NAA16: variants seen among roughly 807,000 people sequenced by gnomAD.
NAA16 encodes NARG1-like protein.
NAA16 carries 97 observed loss-of-function variants against 110.3 expected under a neutral mutation model. The observed-to-expected ratio is 0.88, with a 90% CI of 0.75 to 1.04. NAA16 has a LOEUF of 1.04. Ranked by LOEUF, NAA16 falls within the 50% of genes least tolerant of loss-of-function variation. The pLI is 0.00. For synonymous variants in NAA16, 372 were observed against 330.6 expected, an observed-to-expected ratio of 1.13 and a Z score of -1.36; for missense variants, 1,017 against 1,005.1, an observed-to-expected ratio of 1.01 and a Z score of -0.16.
chr13:41,374,539 T>A (rs1415771064), intron 18 of NAA16: 2 of 416,224 alleles, frequency 4.8e-6, no homozygotes, highest in East Asian at 7.6e-5. Flanking sequence ...ATAAATACTC[T>A]GATCATGGCC....
chr13:41,353,526 A>G (rs1593496452), intron 9 of NAA16, among the ~76,000 whole-genome samples: 1 of 151,602 alleles, frequency 6.6e-6, no homozygotes, highest in East Asian at 1.9e-4. Flanking sequence ...GCACTTTGGT[A>G]GGTGGAGGCG....
chr13:41,350,625 TTTG>T (rs1465440190), intron 9 of NAA16, among the ~76,000 whole-genome samples: 2 of 88,342 alleles, frequency 2.3e-5, no homozygotes, highest in East Asian at 3.6e-4. Flanking sequence ...TTTTTGTTTG[TTTG>T]TTTTTTTTAA....
intron 9 of NAA16, among the ~76,000 whole-genome samples, chr13:41,344,128 T>G (rs1216684366): frequency 6.6e-6 from 1 of 152,226 alleles, no homozygotes; most frequent in African/African-American, 2.4e-5. Flanking sequence ...GATTATTTTC[T>G]TCTCATATTT....
At chr13:41,323,499 C>T (rs1459973483) in intron 5 of NAA16, among the ~76,000 whole-genome samples, 3 of 151,744 alleles carry the variant, frequency 2.0e-5, no homozygotes, top group East Asian at 1.9e-4. Flanking sequence ...TACAGGCACT[C>T]GCCACCACGC....
intron 1 of NAA16, among the ~76,000 whole-genome samples, chr13:41,313,488 A>C (rs1007605851): frequency 6.6e-6 from 1 of 152,252 alleles, no homozygotes; most frequent in Non-Finnish European, 1.5e-5. Context: ...ATTTGGCTAC[A>C]ACAAATTCCA....
chr13:41,350,611 TTTTTTTTTGTTTGTTTG>T (rs200142859), intron 9 of NAA16, among the ~76,000 whole-genome samples: 21,617 of 55,190 alleles, frequency 0.39, 2,902 homozygotes, highest in African/African-American at 0.5. Flanking sequence ...TTTTTTGTTT[TTTTTTTTTGTTTGTTTG>T]TTTTTTTTAA....
chr13:41,358,516 C>T, intron 11 of NAA16, 43 bp downstream of exon 11: 1 of 1,605,998 alleles, frequency 6.2e-7, no homozygotes, highest in Non-Finnish European at 8.5e-7. Flanking sequence ...AAGAATTCAG[C>T]TACTTTAAGA....
chr13:41,358,597 G>A (rs1167996511), intron 11 of NAA16, 124 bp downstream of exon 11: 56 of 1,466,586 alleles, frequency 3.8e-5, no homozygotes, highest in Non-Finnish European at 4.4e-5. Flanking sequence ...ATAATCCTGT[G>A]TAGTTTCATG....
chr13:41,361,552 T>C (rs914352526), intron 12 of NAA16, among the ~76,000 whole-genome samples: 6 of 152,242 alleles, frequency 3.9e-5, no homozygotes, highest in Non-Finnish European at 8.8e-5. Context: ...TTTGGAGTCT[T>C]TTTTATGAAG....
intron 8 of NAA16, among the ~76,000 whole-genome samples, chr13:41,335,176 T>C (rs1002224148): frequency 6.6e-6 from 1 of 151,436 alleles, no homozygotes; most frequent in African/African-American, 2.4e-5. Flanking sequence ...ATTGCAAGAA[T>C]AGAAAACAAA....
chr13:41,314,949 G>T (rs1013465813), intron 1 of NAA16, among the ~76,000 whole-genome samples: 9 of 152,316 alleles, frequency 5.9e-5, no homozygotes, highest in African/African-American at 2.2e-4. Context: ...TATGGTGATT[G>T]TGTCACTGCA....
intron 8 of NAA16, among the ~76,000 whole-genome samples, chr13:41,334,763 G>A (rs1192697849): frequency 6.6e-6 from 1 of 152,164 alleles, no homozygotes; most frequent in East Asian, 1.9e-4. Flanking sequence ...GAGTTTATAA[G>A]TGAAGTCTTT....
chr13:41,363,913 A>G (rs955295954), intron 13 of NAA16, among the ~76,000 whole-genome samples: 1 of 151,860 alleles, frequency 6.6e-6, no homozygotes, highest in Non-Finnish European at 1.5e-5. Context: ...AAATAAGACA[A>G]CTCTTTTATA....
chr13:41,330,311 A>G (rs996715044), intron 7 of NAA16, among the ~76,000 whole-genome samples: 1 of 151,960 alleles, frequency 6.6e-6, no homozygotes, highest in Non-Finnish European at 1.5e-5. Context: ...CACCTCTTCA[A>G]ATGTGGTGTT....
At chr13:41,327,144 T>C (rs2042115293) in intron 6 of NAA16, among the ~76,000 whole-genome samples, 1 of 152,174 alleles carries the variant, frequency 6.6e-6, no homozygotes, top group Admixed American at 6.6e-5. Flanking sequence ...GTCTTACTTT[T>C]AACTACTATA....
chr13:41,314,092 A>G (rs367646036), intron 1 of NAA16, among the ~76,000 whole-genome samples: 4 of 152,166 alleles, frequency 2.6e-5, no homozygotes, highest in South Asian at 2.1e-4. Flanking sequence ...TATAAACTCT[A>G]TAACTATGCC....
rs747949332 is a variant in NAA16, at chr13:41,369,212, A to G, written c.1876A>G (p.Lys626Glu). 96 of 1,596,302 alleles carry G rather than the reference A, an allele frequency of 6.0e-5. 1 individual carries two copies. Among genetic ancestry groups the G allele is most frequent in the Non-Finnish European group, 2.7e-5 (32 of 1,173,648 alleles). ...AGAACGTCAACAGAAAAATCAAAAGAAAAAAAGAGATGAAGAAGAAGAAGA... is the reference window on the plus strand; with the variant it reads ...AGAACGTCAACAGAAAAATCAAAAGGAAAAAAGAGATGAAGAAGAAGAAGA... ...ERERQQKNQK[K>E]KRDEEEEEAS... The change falls in exon 15 of 20, where the codon AAA (lysine) becomes GAA (glutamate). Residue 626 changes from lysine to glutamate, a missense_variant. Transcript: ENST00000379406.
At chr13:41,319,741 T>C (rs2041899738) in intron 3 of NAA16, among the ~76,000 whole-genome samples, 1 of 152,110 alleles carries the variant, frequency 6.6e-6, no homozygotes. Context: ...GATCTCGAAC[T>C]CCTGACCTCA....
rs145147054 is a variant in NAA16, at chr13:41,365,586, A to G, written c.1540-1853A>G. Among the ~76,000 whole-genome samples, 1,078 of 152,300 alleles carry G rather than the reference A, an allele frequency of 7.1e-3. 16 individuals carry two copies. The highest frequency in any genetic ancestry group is 0.025 in the African/African-American group (1,026 of 41,566). On this transcript the variant is annotated intron_variant, in intron 13 of 19. Coordinates refer to ENST00000379406, the MANE Select transcript of NAA16 (RefSeq NM_024561.5). Reference sequence around the variant, plus strand: ...TTTTTAATTTAGCCATATTCTGTCTATCACCATTAGTTTATTATGGAGTGA... The same window carrying G: ...TTTTTAATTTAGCCATATTCTGTCTGTCACCATTAGTTTATTATGGAGTGA...
Sources: allele counts gnomAD v4.1 joint callset (sites outside exome capture counted in the v4.1 genomes callset), GRCh38; gene constraint gnomAD v4.1.1; transcripts MANE v1.5; gene names NCBI Gene and HGNC (gene_info 2026-07-23, HGNC 2026-07-21).